Variants in PCBP3 observed in about 807,000 individuals in gnomAD.
PCBP3 encodes poly(rC) binding protein 3, also known as poly(rC)-binding protein 3.
A neutral mutation model predicts 52.7 loss-of-function variants in PCBP3; 25 were observed. The ratio of observed to expected loss-of-function variants is 0.47; its 90% confidence interval spans 0.35 to 0.66. The LOEUF is 0.66. PCBP3 is among the 30% of genes least tolerant of loss of function. The probability of loss-of-function intolerance (pLI) is 0.01; values close to 1 mark genes in which losing one functional copy is unlikely to be tolerated. For missense variants in PCBP3, 391 were observed against 490.3 expected, an observed-to-expected ratio of 0.80 and a Z score of 1.91; for synonymous variants, 162 against 183.0, an observed-to-expected ratio of 0.89 and a Z score of 0.93.
intron 2 of PCBP3, among the ~76,000 whole-genome samples, chr21:45,699,904 A>G (rs940034913): frequency 1.3e-5 from 2 of 152,188 alleles, no homozygotes; most frequent in African/African-American, 2.4e-5. Flanking sequence ...CAGCCAAACC[A>G]TATCATTCCG....
At chr21:45,671,590 G>A (rs1309609332) in intron 2 of PCBP3, among the ~76,000 whole-genome samples, 1 of 152,208 alleles carries the variant, frequency 6.6e-6, no homozygotes, top group Admixed American at 6.5e-5. Context: ...ACACTCACCT[G>A]GGAACCATGG....
intron 16 of PCBP3, among the ~76,000 whole-genome samples, chr21:45,937,688 T>C (rs933095411): frequency 6.6e-6 from 1 of 152,220 alleles, no homozygotes; most frequent in African/African-American, 2.4e-5. Flanking sequence ...TGCTAACTGC[T>C]GGCAGGGTTT....
At chr21:45,799,349 A>T (rs1238616105) in intron 4 of PCBP3, among the ~76,000 whole-genome samples, 2 of 152,214 alleles carry the variant, frequency 1.3e-5, no homozygotes, top group Non-Finnish European at 2.9e-5. Context: ...TCAGTCACCC[A>T]TGGTACAGTA....
chr21:45,680,965 G>T (rs1414899285), intron 2 of PCBP3, among the ~76,000 whole-genome samples: 3 of 152,142 alleles, frequency 2.0e-5, no homozygotes, highest in African/African-American at 7.2e-5. Flanking sequence ...CAAGATCAAG[G>T]TCCCAGCATT....
At position 45,800,730 on chromosome 21, in the gene PCBP3, A is replaced by G. The variant is rs1380632837; in HGVS notation, c.-126+45278A>G. Among the ~76,000 whole-genome samples the G allele has an allele frequency of 6.6e-6, 1 of 152,198 alleles. No homozygotes were observed. On this transcript the variant is annotated intron_variant, in intron 4 of 17. Coordinates refer to ENST00000681687, the MANE Select transcript of PCBP3 (RefSeq NM_001384156.1). This position sits in a 1 kb window ranked among gnomAD's most constrained non-coding sequence, Gnocchi z 5.3. ...TCCCACCTGGGCCATGTGCCTCACT[A>G]TGCCTAGGCCACAGCCCGGGAGGGA...
In PCBP3 at chr21:45,646,087, C is replaced by T. The variant is rs796911327; in HGVS notation, c.-279+2219C>T. Among the ~76,000 whole-genome samples the T allele has an allele frequency of 9.8e-3, 825 of 84,508 alleles. 17 individuals are homozygous for T. Among genetic ancestry groups the T allele is most frequent in the Middle Eastern group, 0.031 (6 of 192 alleles). The allele number at this position is 84,508 out of a possible 152,430, so 55.4% of individuals were successfully genotyped here. On this transcript the variant is annotated intron_variant, in intron 1 of 17. Transcript: ENST00000681687. ...TCTCTCTCTCTCTCTCTCTCTTTCTCTCTCTCTCTCTCTCTCTCTCTGTGT... is the reference window on the plus strand; with the variant it reads ...TCTCTCTCTCTCTCTCTCTCTTTCTTTCTCTCTCTCTCTCTCTCTCTGTGT...
At chr21:45,819,869 G>C (rs2093077781) in intron 4 of PCBP3, among the ~76,000 whole-genome samples, 1 of 152,246 alleles carries the variant, frequency 6.6e-6, no homozygotes, top group African/African-American at 2.4e-5. Context: ...TGTTAATTGT[G>C]GGTCCATGAT....
chr21:45,812,330 ACT>A (rs1050182254), intron 4 of PCBP3, among the ~76,000 whole-genome samples: 1 of 151,980 alleles, frequency 6.6e-6, no homozygotes, highest in Non-Finnish European at 1.5e-5. Context: ...TGTTTTTGAC[ACT>A]CTGTACTCTT....
chr21:45,860,465 G>T (rs915474600), intron 5 of PCBP3, among the ~76,000 whole-genome samples: 1 of 152,134 alleles, frequency 6.6e-6, no homozygotes, highest in East Asian at 1.9e-4. Flanking sequence ...CACGCAGTTG[G>T]GGCTGCAACT....
chr21:45,864,788 T>A (rs565406149), intron 5 of PCBP3, among the ~76,000 whole-genome samples: 1 of 152,358 alleles, frequency 6.6e-6, no homozygotes, highest in Admixed American at 6.5e-5. Context: ...GTGTTTTAAC[T>A]CGCTTTCCAG....
rs116971105 is a variant in PCBP3 at position 45,903,183 on chromosome 21, G to A, written c.339+2070G>A. Among the ~76,000 whole-genome samples the A allele has an allele frequency of 5.7e-3, 862 of 152,222 alleles. 10 individuals carry two copies. Among genetic ancestry groups the A allele is most frequent in the East Asian group, 0.041 (211 of 5,178 alleles). On this transcript the variant is annotated intron_variant, in intron 9 of 17. Transcript: ENST00000681687. ...TGGAGGCATATGGAGACTGGGGAAGGGCTGTTGCTCAGGACAAGAGGTTGG... is the reference window on the plus strand; with the variant it reads ...TGGAGGCATATGGAGACTGGGGAAGAGCTGTTGCTCAGGACAAGAGGTTGG...
At chr21:45,697,281 A>G (rs2147901996) in intron 2 of PCBP3, among the ~76,000 whole-genome samples, 1 of 152,390 alleles carries the variant, frequency 6.6e-6, no homozygotes, top group South Asian at 2.1e-4. Flanking sequence ...ACAAACAAGC[A>G]AATTATGGAA....
Position 45,818,268 on chromosome 21 carries a change from G to A in PCBP3, c.-125-31693G>A, listed in dbSNP as rs536865753. Among the ~76,000 whole-genome samples, 13 of 152,160 alleles carry A rather than the reference G, an allele frequency of 8.5e-5. No individual in the cohort carries two copies. The South Asian group carries it at 1.9e-3, about 22-fold the overall frequency. On this transcript the variant is annotated intron_variant, in intron 4 of 17. Coordinates refer to ENST00000681687, the MANE Select transcript of PCBP3 (RefSeq NM_001384156.1). ...GATCTCCTGACCTCATGATCTGCCC[G>A]CCTCGGCCTCCTAAAGTGCTGGGAT...
intron 4 of PCBP3, among the ~76,000 whole-genome samples, chr21:45,824,190 G>A (rs1024723366): frequency 3.3e-5 from 5 of 152,110 alleles, no homozygotes; most frequent in Non-Finnish European, 5.9e-5. Context: ...CTGCCTCCTG[G>A]GAGTCCTGCC....
Position 45,821,491 on chromosome 21 carries a change from C to G in PCBP3, c.-125-28470C>G, listed in dbSNP as rs900580629. On this transcript the variant is annotated intron_variant, in intron 4 of 17. Transcript: ENST00000681687. This position sits in a 1 kb window ranked among gnomAD's most constrained non-coding sequence, Gnocchi z 4.4. ...CTAGAACACTCTTCCCCCTGCACCACGCTGTGGGCCCTGTGCCTTCCCCTA... is the reference window on the plus strand; with the variant it reads ...CTAGAACACTCTTCCCCCTGCACCAGGCTGTGGGCCCTGTGCCTTCCCCTA... 6.6e-6 allele frequency among the ~76,000 whole-genome samples: 1 copy of G among 151,338 alleles called. No individual in the cohort carries two copies. The highest frequency in any genetic ancestry group is 2.0e-4 in the East Asian group (1 of 5,116).
intron 9 of PCBP3, chr21:45,901,501 C>T (rs1388467687): frequency 3.7e-6 from 1 of 267,556 alleles, no homozygotes; most frequent in Admixed American, 4.5e-5. Context: ...ACATGGCTCT[C>T]GATGAAGCCC....
At chr21:45,645,647 G>T (rs1431818501) in intron 1 of PCBP3, among the ~76,000 whole-genome samples, 1 of 152,218 alleles carries the variant, frequency 6.6e-6, no homozygotes, top group African/African-American at 2.4e-5. Flanking sequence ...GAGGCTGACA[G>T]CATGCTGCAT....
intron 4 of PCBP3, among the ~76,000 whole-genome samples, chr21:45,774,387 T>A (rs1466987131): frequency 1.4e-5 from 2 of 143,176 alleles, no homozygotes; most frequent in Admixed American, 7.0e-5. Flanking sequence ...AGACTCCATC[T>A]CAAAAAAAAA....
At chr21:45,863,931 G>A (rs1230551295) in intron 5 of PCBP3, among the ~76,000 whole-genome samples, 1 of 152,194 alleles carries the variant, frequency 6.6e-6, no homozygotes. Flanking sequence ...ATGAAAAAGC[G>A]GAAATTGTGT....
Sources: gnomAD v4.1 joint callset for allele counts (sites outside exome capture counted in the v4.1 genomes callset) on GRCh38, gnomAD v4.1.1 for gene constraint, Gnocchi (gnomAD v3.1) non-coding constraint, MANE v1.5 for transcripts, NCBI Gene and HGNC (gene_info 2026-07-23, HGNC 2026-07-21) for gene names.